LRBA: variants seen among roughly 807,000 people sequenced by gnomAD.
LRBA encodes LPS responsive beige-like anchor protein, also known as lipopolysaccharide-responsive and beige-like anchor protein.
In LRBA, 176 loss-of-function variants were observed where a neutral mutation model predicts 330.0. The ratio of observed to expected loss-of-function variants is 0.53; its 90% CI spans 0.47 to 0.60. The LOEUF is 0.60. LRBA is among the 20% of genes least tolerant of loss of function. The probability of loss-of-function intolerance (pLI) is 0.00; values close to 1 mark genes in which losing one functional copy is unlikely to be tolerated. For missense variants in LRBA, 3,259 were observed against 3,444.8 expected (o/e 0.95, Z 1.35); for synonymous variants, 1,230 against 1,193.0 (o/e 1.03, Z -0.64).
At chr4:150,799,716 T>TACC (rs908226064) in intron 33 of LRBA, among the ~76,000 whole-genome samples, 59 of 152,318 alleles carry the variant, frequency 3.9e-4, no homozygotes, top group African/African-American at 1.4e-3. Context: ...TTGTCCCTCT[T>TACC]ACCACACTTA....
intron 40 of LRBA, among the ~76,000 whole-genome samples, chr4:150,543,405 A>C (rs1765527759): frequency 6.6e-6 from 1 of 152,186 alleles, no homozygotes; most frequent in African/African-American, 2.4e-5. Context: ...TATCCTTTTC[A>C]TTTTGTTCAA....
At chr4:150,354,371 A>C (rs1737553556) in intron 47 of LRBA, among the ~76,000 whole-genome samples, 1 of 152,090 alleles carries the variant, frequency 6.6e-6, no homozygotes, top group Non-Finnish European at 1.5e-5. Flanking sequence ...GTCCTCATTA[A>C]GCCTGGAGTT....
intron 44 of LRBA, among the ~76,000 whole-genome samples, chr4:150,460,858 T>C (rs959516112): frequency 3.3e-5 from 5 of 151,886 alleles, no homozygotes; most frequent in Admixed American, 2.6e-4. Flanking sequence ...TTGCTTTATC[T>C]TGGCCATTCC....
chr4:150,604,041 G>A (rs999950505), intron 37 of LRBA, among the ~76,000 whole-genome samples: 3 of 152,158 alleles, frequency 2.0e-5, no homozygotes, highest in South Asian at 4.2e-4. Context: ...ACTAAGGTAC[G>A]ATTCACATTT....
At chr4:150,389,447 G>A (rs1329335924) in intron 47 of LRBA, among the ~76,000 whole-genome samples, 3 of 151,712 alleles carry the variant, frequency 2.0e-5, no homozygotes, top group Non-Finnish European at 4.4e-5. Flanking sequence ...AATCAAGAGA[G>A]GAATCAAGAG....
intron 48 of LRBA, among the ~76,000 whole-genome samples, chr4:150,346,757 CAAAAAAAAAAAAAAAAAAAAA>C (rs57119340): frequency 3.0e-5 from 2 of 66,136 alleles, no homozygotes; most frequent in African/African-American, 1.6e-4. Flanking sequence ...GACTCTGTCT[CAAAAAAAAAAAAAAAAAAAAA>C]AAAAAAAAAC....
chr4:150,962,095 G>C (rs1738210903), intron 2 of LRBA, among the ~76,000 whole-genome samples: 1 of 149,352 alleles, frequency 6.7e-6, no homozygotes. Flanking sequence ...TTTCATTCAG[G>C]TGACATCTCA....
At chr4:150,497,431 A>T (rs1759721915) in intron 40 of LRBA, among the ~76,000 whole-genome samples, 1 of 152,206 alleles carries the variant, frequency 6.6e-6, no homozygotes, top group Admixed American at 6.5e-5. Context: ...TATATCCATG[A>T]ACACTTAGAA....
intron 35 of LRBA, among the ~76,000 whole-genome samples, chr4:150,759,969 T>C (rs1201315119): frequency 6.6e-6 from 1 of 152,164 alleles, no homozygotes; most frequent in Non-Finnish European, 1.5e-5. Flanking sequence ...GTAGTTACAC[T>C]TAGTAAAGTC....
intron 49 of LRBA, among the ~76,000 whole-genome samples, chr4:150,324,496 C>T (rs1732976016): frequency 6.7e-6 from 1 of 150,034 alleles, no homozygotes; most frequent in Non-Finnish European, 1.5e-5. Context: ...CTTATGATGG[C>T]CAATTCATAC....
intron 2 of LRBA, among the ~76,000 whole-genome samples, chr4:150,978,730 G>A (rs1172863841): frequency 6.6e-6 from 1 of 152,182 alleles, no homozygotes; most frequent in Non-Finnish European, 1.5e-5. Context: ...ATTGAAAAAT[G>A]AAACTGATAT....
At chr4:150,718,641 T>C (rs1197619578) in intron 36 of LRBA, among the ~76,000 whole-genome samples, 5 of 152,250 alleles carry the variant, frequency 3.3e-5, no homozygotes, top group African/African-American at 1.2e-4. Context: ...CAAATATATT[T>C]TCTCTGCTAA....
intron 46 of LRBA, among the ~76,000 whole-genome samples, chr4:150,432,430 T>C (rs1436976164): frequency 1.3e-5 from 2 of 149,774 alleles, no homozygotes; most frequent in African/African-American, 4.9e-5. Context: ...TATTTACATA[T>C]ATTACAGTAA....
intron 52 of LRBA, among the ~76,000 whole-genome samples, chr4:150,303,594 C>T (rs997114882): frequency 3.3e-5 from 5 of 150,640 alleles, no homozygotes; most frequent in African/African-American, 7.3e-5. Flanking sequence ...TTTTTTGAGG[C>T]GGAGTCTCGT....
At chr4:150,974,225 T>A (rs1173864243) in intron 2 of LRBA, among the ~76,000 whole-genome samples, 3 of 152,204 alleles carry the variant, frequency 2.0e-5, no homozygotes, top group Non-Finnish European at 4.4e-5. Flanking sequence ...ACCATCATTC[T>A]AATGAGTTGA....
intron 40 of LRBA, among the ~76,000 whole-genome samples, chr4:150,515,287 C>G (rs984058248): frequency 7.9e-5 from 12 of 152,004 alleles, no homozygotes; most frequent in Middle Eastern, 3.2e-3. Context: ...CTCCTTATAT[C>G]AACAAATTAA....
intron 2 of LRBA, among the ~76,000 whole-genome samples, chr4:150,943,856 T>C (rs554852352): frequency 2.6e-5 from 4 of 152,190 alleles, no homozygotes; most frequent in African/African-American, 4.8e-5. Flanking sequence ...ACAGAAGTAA[T>C]GTGTGACTTA....
intron 47 of LRBA, among the ~76,000 whole-genome samples, chr4:150,378,008 C>T (rs1455795740): frequency 6.6e-6 from 1 of 151,888 alleles, no homozygotes; most frequent in African/African-American, 2.4e-5. Flanking sequence ...TGTTGGTACC[C>T]ATACCCATAC....
chr4:150,684,937 C>T (rs1407824911), intron 36 of LRBA, among the ~76,000 whole-genome samples: 1 of 152,122 alleles, frequency 6.6e-6, no homozygotes, highest in Non-Finnish European at 1.5e-5. Context: ...TTGTCCTGAA[C>T]CAATCGTAAT....
Sources: allele counts gnomAD v4.1 joint callset (sites outside exome capture counted in the v4.1 genomes callset), GRCh38; gene constraint gnomAD v4.1.1; transcripts MANE v1.5; gene names NCBI Gene and HGNC (gene_info 2026-07-23, HGNC 2026-07-21).